SFSWAP: variants seen among roughly 807,000 people sequenced by gnomAD.
SFSWAP encodes the protein splicing factor SWAP.
In SFSWAP, 17 loss-of-function variants were observed where a neutral mutation model predicts 100.7. The observed-to-expected ratio is 0.17, with a 90% CI of 0.12 to 0.25. The LOEUF is 0.25. SFSWAP is among the 10% of genes least tolerant of loss of function. SFSWAP has a pLI of 1.00. For missense variants in SFSWAP, 1,005 were observed against 1,262.6 expected, an observed-to-expected ratio of 0.80 and a Z score of 3.09; for synonymous variants, 504 against 510.1, an observed-to-expected ratio of 0.99 and a Z score of 0.16.
chr12:131,733,853 C>T lies in SFSWAP; in HGVS notation c.1081+5425C>T, dbSNP rs1879744998. On this transcript the variant is annotated intron_variant, in intron 7 of 17. Coordinates refer to ENST00000261674, the MANE Select transcript of SFSWAP (RefSeq NM_004592.4). The surrounding 1 kb of genome is among the most constrained non-coding windows in gnomAD (Gnocchi z 5.1). ...CCCATGCCTGGGTCCTGGCACCTGC[C>T]CCTCCACTCCCCATGCAGCTTCATC... Among the ~76,000 whole-genome samples, 1 of 152,052 alleles carries T rather than the reference C, an allele frequency of 6.6e-6. No individual in the cohort carries two copies. The highest frequency in any genetic ancestry group is 6.5e-5 in the Admixed American group (1 of 15,274).
At chr12:131,745,638 C>CT (rs1376846128) in intron 7 of SFSWAP, among the ~76,000 whole-genome samples, 1 of 152,098 alleles carries the variant, frequency 6.6e-6, no homozygotes, top group Admixed American at 6.6e-5. Context: ...AGGCAGCACT[C>CT]TAACTATAGG....
At chr12:131,728,094 A>G (rs975693443) in intron 6 of SFSWAP, among the ~76,000 whole-genome samples, 199 bp from the exon 7 acceptor site, 1 of 151,932 alleles carries the variant, frequency 6.6e-6, no homozygotes, top group Non-Finnish European at 1.5e-5. Context: ...GGAAATTGAA[A>G]CCCTGTGTTC....
Position 131,778,618 on chromosome 12 carries a change from A to G in SFSWAP, c.2408+288A>G, listed in dbSNP as rs1050645237. ...CTGCAACCTCCGCTTCCCAGGTTCA[A>G]GTGATTCTCCTGCCTCAGCCTCCTG... On this transcript the variant is annotated intron_variant, in intron 14 of 17. Transcript: ENST00000261674. This position sits in a 1 kb window ranked among gnomAD's most constrained non-coding sequence, Gnocchi z 4.2. Among the ~76,000 whole-genome samples, 10 of 152,130 alleles carry G rather than the reference A, an allele frequency of 6.6e-5. No homozygotes were observed. The highest frequency in any genetic ancestry group is 9.7e-5 in the African/African-American group (4 of 41,428).
intron 11 of SFSWAP, among the ~76,000 whole-genome samples, chr12:131,758,864 C>A (rs1882412535): frequency 6.6e-6 from 1 of 152,140 alleles, no homozygotes; most frequent in South Asian, 2.1e-4. Context: ...GTGGGAGGAT[C>A]ACTTAAGCCG....
chr12:131,737,618 T>A (rs1372432204), intron 7 of SFSWAP, among the ~76,000 whole-genome samples: 1 of 152,170 alleles, frequency 6.6e-6, no homozygotes, highest in Admixed American at 6.5e-5. Context: ...TACCCAGTAC[T>A]GCTGTGTCTC....
intron 11 of SFSWAP, among the ~76,000 whole-genome samples, chr12:131,759,655 G>A (rs1426552384): frequency 2.0e-5 from 3 of 151,692 alleles, no homozygotes; most frequent in Admixed American, 2.0e-4. Flanking sequence ...AAAAAAATTA[G>A]CCGGGCGTGG....
chr12:131,730,440 T>G lies in SFSWAP; in HGVS notation c.1081+2012T>G, dbSNP rs1169955268. Among the ~76,000 whole-genome samples, 1 of 152,218 alleles carries G rather than the reference T, an allele frequency of 6.6e-6. No individual in the cohort carries two copies. The highest frequency in any genetic ancestry group is 1.5e-5 in the Non-Finnish European group (1 of 68,048). On this transcript the variant is annotated intron_variant, in intron 7 of 17. Coordinates refer to ENST00000261674, the MANE Select transcript of SFSWAP (RefSeq NM_004592.4). The surrounding 1 kb of genome is among the most constrained non-coding windows in gnomAD (Gnocchi z 4.0). ...CTTGATTATTTGCTGTGCTAATCAC[T>G]GGTGGAAGAACAGCCATGTGCAGAC...
At position 131,730,203 on chromosome 12, in the gene SFSWAP, C is replaced by T. The variant is rs1314210951; in HGVS notation, c.1081+1775C>T. Among the ~76,000 whole-genome samples, 1 of 152,234 alleles carries T rather than the reference C, an allele frequency of 6.6e-6. No homozygotes were observed. The highest frequency in any genetic ancestry group is 1.5e-5 in the Non-Finnish European group (1 of 68,044). On this transcript the variant is annotated intron_variant, in intron 7 of 17. Transcript: ENST00000261674. The surrounding 1 kb of genome is among the most constrained non-coding windows in gnomAD (Gnocchi z 4.0). The stretch of plus-strand genomic sequence containing the variant: ...GCACACCTTTAAGTCTTGAGCCCCA[C>T]TCGGCAGCCTGTGAAGCTCCCGCCC...
intron 15 of SFSWAP, among the ~76,000 whole-genome samples, chr12:131,789,614 T>C (rs1257519503): frequency 6.6e-6 from 1 of 152,146 alleles, no homozygotes; most frequent in Non-Finnish European, 1.5e-5. Context: ...TTTTGCCACA[T>C]TGCTCTCTCT....
Position 131,725,590 on chromosome 12 carries a change from C to G in SFSWAP, c.792C>G (p.Arg264=), listed in dbSNP as rs776655351. The G allele has an allele frequency of 6.2e-7, 1 of 1,614,136 alleles. No individual in the cohort carries two copies. Among genetic ancestry groups the G allele is most frequent in the South Asian group, 1.1e-5 (1 of 91,080 alleles). Reference sequence around the variant, plus strand: ...TCCAGAAAGCCATGAAAGAGGGACGCTACACTGTCCTGGCAGAAAACAAAA... The same window carrying G: ...TCCAGAAAGCCATGAAAGAGGGACGGTACACTGTCCTGGCAGAAAACAAAA... ...KFIQKAMKEG[R]YTVLAENKSD... The change falls in exon 5 of 18, where the codon CGC becomes CGG. Residue 264 remains arginine, a synonymous_variant. Transcript: ENST00000261674. The surrounding 1 kb of genome is among the most constrained non-coding windows in gnomAD (Gnocchi z 4.3).
chr12:131,732,599 G>A lies in SFSWAP; in HGVS notation c.1081+4171G>A, dbSNP rs190297040. On this transcript the variant is annotated intron_variant, in intron 7 of 17. Coordinates refer to ENST00000261674, the MANE Select transcript of SFSWAP (RefSeq NM_004592.4). ...GATTCTGCTGCCCTTGGCTGCTCTC[G>A]GCTTGCTCCTCGTCTCCGCCTAATG... Among the ~76,000 whole-genome samples the A allele has an allele frequency of 5.9e-5, 9 of 152,314 alleles. No homozygotes were observed. The East Asian group carries it at 7.7e-4, about 13-fold the overall frequency.
At position 131,756,545 on chromosome 12, in the gene SFSWAP, G is replaced by A. The variant is rs139091526; in HGVS notation, c.1621G>A (p.Ala541Thr). 40 of 1,613,904 alleles carry A rather than the reference G, an allele frequency of 2.5e-5. 1 individual carries two copies. Among genetic ancestry groups the A allele is most frequent in the South Asian group, 2.1e-4 (19 of 91,084 alleles). Residue 541 changes from alanine (A) to threonine (T), a missense_variant, in exon 11 of 18, where the codon GCG (alanine) becomes ACG (threonine). By Grantham distance (58) the Ala-to-Thr change is moderately conservative. Coordinates refer to ENST00000261674, the MANE Select transcript of SFSWAP (RefSeq NM_004592.4). ...GCCAAGTGATGCTGGGGAGGATGGC[G>A]CGCCTGAAGACGCAGCCGAGGTGGG... ...EKPSDAGEDG[A>T]PEDAAEVGAR...
intron 11 of SFSWAP, among the ~76,000 whole-genome samples, chr12:131,759,528 G>A (rs1209830612): frequency 3.3e-5 from 5 of 152,246 alleles, no homozygotes; most frequent in East Asian, 1.9e-4. Context: ...GGCCGGGCGC[G>A]GTGGCTCACG....
chr12:131,754,354 C>A lies in SFSWAP; in HGVS notation c.1323-14C>A. On this transcript the variant is annotated splice_polypyrimidine_tract_variant and intron_variant, in intron 8 of 17. Coordinates refer to ENST00000261674, the MANE Select transcript of SFSWAP (RefSeq NM_004592.4). ...CCCTGAAGCCCAGGGGTCTCACAGA[C>A]TCTTCTCCTGCAGTGCACTTGCCCC... 6.6e-7 allele frequency: 1 copy of A among 1,526,658 alleles called. No homozygotes were observed. 94.6% of individuals were successfully genotyped at this position (1,526,658 alleles called of 1,614,324 possible).
chr12:131,799,245 T>C (rs1031431781), intron 17 of SFSWAP, 136 bp downstream of exon 17: 1 of 1,004,500 alleles, frequency 1.0e-6, no homozygotes, highest in African/African-American at 1.6e-5. Flanking sequence ...CCACAGGCTC[T>C]GGGTGAGGCC....
chr12:131,718,084 G>A (rs1423482752), intron 3 of SFSWAP, among the ~76,000 whole-genome samples: 1 of 152,188 alleles, frequency 6.6e-6, no homozygotes, highest in Admixed American at 6.5e-5. Flanking sequence ...AAGAACAGGG[G>A]ACTCAAACAA....
At chr12:131,747,118 A>AAAAAAAAAAAAAC in intron 7 of SFSWAP, among the ~76,000 whole-genome samples, 1 of 151,664 alleles carries the variant, frequency 6.6e-6, no homozygotes, top group Non-Finnish European at 1.5e-5. Flanking sequence ...AAAAAAAAAA[A>AAAAAAAAAAAAAC]AGCTCATGCC....
In SFSWAP at chr12:131,751,100, G is replaced by A. The variant is rs117174396; in HGVS notation, c.1082-2023G>A. ...TTTATTTAACAAGATGGAAGGCTCA[G>A]GAAGGTCATATAGACTAACAGTCTG... is the stretch of plus-strand genomic sequence containing the variant. On this transcript the variant is annotated intron_variant, in intron 7 of 17. Transcript: ENST00000261674. Among the ~76,000 whole-genome samples, 25 of 152,248 alleles carry A rather than the reference G, an allele frequency of 1.6e-4. No homozygotes were observed. The East Asian group carries it at 4.8e-3, about 29-fold the overall frequency.
chr12:131,796,064 GGGAAGGAA>G (rs1184105670), intron 15 of SFSWAP: 1 of 131,834 alleles, frequency 7.6e-6, no homozygotes, highest in Non-Finnish European at 1.6e-5. Flanking sequence ...GGGGAGGGGA[GGGAAGGAA>G]GGAAGGAAGG....
Sources: allele counts gnomAD v4.1 joint callset (sites outside exome capture counted in the v4.1 genomes callset), GRCh38; gene constraint gnomAD v4.1.1; non-coding constraint Gnocchi (gnomAD v3.1); transcripts MANE v1.5; gene names NCBI Gene and HGNC (gene_info 2026-07-23, HGNC 2026-07-21).